NEK10: variants seen among roughly 807,000 people sequenced by gnomAD.
NEK10 encodes the protein NIMA related kinase 10.
In NEK10, 122 loss-of-function variants were observed where a neutral mutation model predicts 159.8. That is an observed-to-expected ratio of 0.76 (90% confidence interval 0.66 to 0.89). NEK10 has a LOEUF of 0.89. Among genes scored for constraint, NEK10 ranks in the 40% least tolerant of loss-of-function variants. The pLI, the probability that NEK10 is intolerant of heterozygous loss-of-function variation, is 0.00. For missense variants in NEK10, 1,342 were observed against 1,323.1 expected (o/e 1.01, Z -0.22); for synonymous variants, 466 against 457.1 (o/e 1.02, Z -0.25).
intron 13 of NEK10, among the ~76,000 whole-genome samples, chr3:27,297,908 T>C (rs1354938023): frequency 2.0e-5 from 3 of 152,196 alleles, no homozygotes; most frequent in Admixed American, 2.0e-4. Flanking sequence ...CTATAAAGGA[T>C]AATTCCATTT....
chr3:27,254,579 G>A (rs942275399), intron 23 of NEK10, among the ~76,000 whole-genome samples: 2 of 152,122 alleles, frequency 1.3e-5, no homozygotes, highest in Non-Finnish European at 2.9e-5. Flanking sequence ...CGGTTTGTGA[G>A]CCCAAATTCA....
At chr3:27,140,204 T>C (rs1244170195) in intron 31 of NEK10, among the ~76,000 whole-genome samples, 1 of 152,188 alleles carries the variant, frequency 6.6e-6, no homozygotes, top group African/African-American at 2.4e-5. Flanking sequence ...CTAGGTGTGG[T>C]AGACAGAAAC....
chr3:27,239,103 A>C (rs2149250830), intron 23 of NEK10, among the ~76,000 whole-genome samples: 1 of 152,180 alleles, frequency 6.6e-6, no homozygotes, highest in East Asian at 1.9e-4. Context: ...TCCATTTTTC[A>C]TCTGTGATGC....
intron 5 of NEK10, among the ~76,000 whole-genome samples, chr3:27,331,778 T>C (rs2046438623): frequency 6.6e-6 from 1 of 152,258 alleles, no homozygotes; most frequent in South Asian, 2.1e-4. Context: ...AACGTTGTGA[T>C]GTTTTCTCCT....
Position 27,111,301 on chromosome 3 carries a change from C to A in NEK10, c.3319G>T (p.Gly1107Trp). 1 of 1,607,240 alleles carries A rather than the reference C, an allele frequency of 6.2e-7. No homozygotes were observed. Among genetic ancestry groups the A allele is most frequent in the Non-Finnish European group, 8.5e-7 (1 of 1,176,568 alleles). The change falls in exon 36 of 36, where the codon GGG becomes TGG. Residue 1107 changes from glycine to tryptophan, a missense_variant. Gly to Trp is a radical substitution (Grantham distance 184). Coordinates refer to ENST00000691995, the MANE Select transcript of NEK10 (RefSeq NM_001394966.1). ...TSNRYHSYPW[G>W]TKNHPTKR ...CTTTTGGTTGGGTGATTCTTGGTCC[C>A]CCATGGATAGGAATGATACCTATAA... is the stretch of plus-strand genomic sequence containing the variant.
intron 22 of NEK10, among the ~76,000 whole-genome samples, chr3:27,279,973 T>C (rs1215088063): frequency 1.3e-5 from 2 of 151,730 alleles, no homozygotes; most frequent in Non-Finnish European, 1.5e-5. Context: ...ATCGAGACCA[T>C]CCTGGCCAAC....
intron 30 of NEK10, among the ~76,000 whole-genome samples, chr3:27,160,917 A>G (rs1945960899): frequency 6.6e-6 from 1 of 152,156 alleles, no homozygotes; most frequent in South Asian, 2.1e-4. Flanking sequence ...AAAAAATAAA[A>G]AATGCTTTTG....
At chr3:27,112,310 C>G (rs1425504342) in intron 35 of NEK10, among the ~76,000 whole-genome samples, 1 of 152,102 alleles carries the variant, frequency 6.6e-6, no homozygotes, top group South Asian at 2.1e-4. Context: ...TAATTTAAAC[C>G]AAAAATGTAC....
At chr3:27,126,559 T>G (rs1941974124) in intron 32 of NEK10, among the ~76,000 whole-genome samples, 1 of 152,164 alleles carries the variant, frequency 6.6e-6, no homozygotes, top group Non-Finnish European at 1.5e-5. Context: ...AGTGTGTCCC[T>G]GGATCAGCAG....
chr3:27,273,890 A>G (rs1361556212), intron 22 of NEK10, among the ~76,000 whole-genome samples: 1 of 152,160 alleles, frequency 6.6e-6, no homozygotes, highest in Non-Finnish European at 1.5e-5. Flanking sequence ...GGAGTTTCCC[A>G]GGATAATGCT....
rs138680267 is a variant in NEK10, at chr3:27,126,816, T to C, written c.3081+5064A>G. Among the ~76,000 whole-genome samples the C allele has an allele frequency of 2.6e-5, 4 of 152,086 alleles. No homozygotes were observed. In the East Asian group the frequency reaches 5.8e-4, roughly 22 times the overall value. ...CTCCTAGACAGCCAACTAGCCCCTATTGTGTCTTAGTGCAAATTAGAAAAA... is the reference window on the plus strand; with the variant it reads ...CTCCTAGACAGCCAACTAGCCCCTACTGTGTCTTAGTGCAAATTAGAAAAA... On this transcript the variant is annotated intron_variant, in intron 32 of 35. Transcript: ENST00000691995.
chr3:27,280,289 G>T (rs1575571260), intron 22 of NEK10, among the ~76,000 whole-genome samples: 1 of 143,846 alleles, frequency 7.0e-6, no homozygotes, highest in East Asian at 2.0e-4. Context: ...CATCTGAGGA[G>T]GAAGGCTTAA....
intron 25 of NEK10, among the ~76,000 whole-genome samples, chr3:27,196,943 AATG>A (rs1364741611): frequency 6.6e-6 from 1 of 152,152 alleles, no homozygotes; most frequent in African/African-American, 2.4e-5. Context: ...TGTGGAATCA[AATG>A]ATTTAAAGAC....
At chr3:27,156,923 G>T (rs1945498404) in intron 30 of NEK10, among the ~76,000 whole-genome samples, 2 of 77,758 alleles carry the variant, frequency 2.6e-5, no homozygotes, top group African/African-American at 4.6e-5. Context: ...AGTGCATAAA[G>T]AAACTGATAT....
intron 23 of NEK10, among the ~76,000 whole-genome samples, chr3:27,246,109 T>C (rs2149277924): frequency 6.6e-6 from 1 of 152,316 alleles, no homozygotes; most frequent in South Asian, 2.1e-4. Flanking sequence ...ACTGACAGAA[T>C]CAATCATCAG....
chr3:27,123,311 T>C (rs532010105), intron 32 of NEK10, among the ~76,000 whole-genome samples: 88 of 152,148 alleles, frequency 5.8e-4, no homozygotes, highest in Non-Finnish European at 1.1e-3. Context: ...TTTTTAGAGG[T>C]TCTGTAGAAG....
intron 5 of NEK10, among the ~76,000 whole-genome samples, chr3:27,343,699 G>A (rs1575838285): frequency 6.6e-6 from 1 of 152,104 alleles, no homozygotes; most frequent in African/African-American, 2.4e-5. Flanking sequence ...ACAATCAATG[G>A]CTCCCTGAAA....
intron 25 of NEK10, chr3:27,194,347 C>A (rs1177266508): frequency 6.6e-6 from 1 of 152,042 alleles, no homozygotes; most frequent in African/African-American, 2.4e-5. Context: ...AATCTCCTGA[C>A]CTTGTGATCC....
intron 11 of NEK10, among the ~76,000 whole-genome samples, chr3:27,306,578 T>C (rs770900350): frequency 5.3e-5 from 8 of 152,204 alleles, no homozygotes; most frequent in Admixed American, 2.0e-4. Flanking sequence ...AATTTGATCA[T>C]GCTTAAAATG....
Sources: gnomAD v4.1 joint callset for allele counts (sites outside exome capture counted in the v4.1 genomes callset) on GRCh38, gnomAD v4.1.1 for gene constraint, MANE v1.5 for transcripts, NCBI Gene and HGNC (gene_info 2026-07-23, HGNC 2026-07-21) for gene names.